APEX2: variants seen among roughly 807,000 people sequenced by gnomAD.
APEX2 encodes the protein apurinic/apyrimidinic endodeoxyribonuclease 2, also known as DNA-(apurinic or apyrimidinic site) endonuclease 2.
A neutral mutation model predicts 16.7 loss-of-function variants in APEX2; 4 were observed. The ratio of observed to expected loss-of-function variants is 0.24; its 90% CI spans 0.12 to 0.55. The LOEUF is 0.55. APEX2 is among the 20% of genes least tolerant of loss of function. APEX2 has a pLI of 0.94. For missense variants in APEX2, 357 were observed against 433.6 expected, an observed-to-expected ratio of 0.82 and a Z score of 1.57; for synonymous variants, 181 against 166.9, an observed-to-expected ratio of 1.08 and a Z score of -0.65.
Position 55,000,505 on chromosome X carries a change from C to A in APEX2, c.83C>A (p.Ala28Asp). The A allele has an allele frequency of 1.7e-6, 2 of 1,207,294 alleles. No individual in the cohort carries two copies. Among genetic ancestry groups the A allele is most frequent in the South Asian group, 3.6e-5 (2 of 56,075 alleles). Residue 28 changes from alanine (A) to aspartate (D), a missense_variant, in exon 1 of 6, where the codon GCC becomes GAC. Ala to Asp is a moderately radical substitution (Grantham distance 126, BLOSUM62 -2). Coordinates refer to ENST00000374987, the MANE Select transcript of APEX2 (RefSeq NM_014481.4). ...GCAAATCAGGAACCCAGCAACTGTG[C>A]CGCCGTGGCCGTGGGGCGCATTTTG... Reference protein sequence around the residue: ...GVANQEPSNCAAVAVGRILDE... With the variant: ...GVANQEPSNCDAVAVGRILDE...
At chrX:55,004,876 G>A (rs1935483522) in intron 5 of APEX2, among the ~76,000 whole-genome samples, 1 of 111,439 alleles carries the variant, frequency 9.0e-6, no homozygotes, top group Non-Finnish European at 1.9e-5. Context: ...TCTCGAGTGT[G>A]GGGCCAGGGT....
chrX:55,000,501 T>C lies in APEX2; in HGVS notation c.79T>C (p.Cys27Arg). ...QGVANQEPSN[C>R]AAVAVGRILD... ...GGTGGCAAATCAGGAACCCAGCAAC[T>C]GTGCCGCCGTGGCCGTGGGGCGCAT... is the stretch of plus-strand genomic sequence containing the variant. The change falls in exon 1 of 6, where the codon TGT becomes CGT. Residue 27 changes from cysteine to arginine, a missense_variant. Physicochemically the swap from Cys to Arg is radical, Grantham distance 180 (BLOSUM62 -3). Coordinates refer to ENST00000374987, the MANE Select transcript of APEX2 (RefSeq NM_014481.4). The C allele has an allele frequency of 8.3e-7, 1 of 1,208,871 alleles. No homozygotes were observed. Among genetic ancestry groups the C allele is most frequent in the Non-Finnish European group, 1.1e-6 (1 of 894,012 alleles).
chrX:55,006,189 C>T (rs192533652), intron 5 of APEX2, among the ~76,000 whole-genome samples: 182 of 109,604 alleles, frequency 1.7e-3, no homozygotes, highest in African/African-American at 5.9e-3. Context: ...GAGGCAAACA[C>T]TTTTAACTTC....
chrX:55,006,649 C>A lies in APEX2; in HGVS notation c.771C>A (p.Ala257=). The A allele has an allele frequency of 8.6e-7, 1 of 1,163,080 alleles. No individual in the cohort carries two copies. The highest frequency in any genetic ancestry group is 1.1e-6 in the Non-Finnish European group (1 of 869,630). Residue 257 remains alanine (A), a synonymous_variant, in exon 6 of 6, where the codon GCC becomes GCA. Transcript: ENST00000374987. ...GCTTCCAACCAAAGCAGGAGGGGGC[C>A]TTCACCTGCTGGTCAGCAGTCACTG... ...YRCFQPKQEG[A]FTCWSAVTGA... is the part of the protein sequence containing the mutation.
At chrX:55,006,397 G>C (rs748749797) in intron 5 of APEX2, 121 bp from the exon 6 acceptor site, 36 of 483,011 alleles carry the variant, frequency 7.5e-5, no homozygotes, top group African/African-American at 6.0e-4. Context: ...TTGAGCAGTA[G>C]TCCTCTTGGG....
rs201174369 is a variant in APEX2 at position 55,006,957 on chromosome X, A to G, written c.1079A>G (p.Asn360Ser). ...PVLEQSTLQHNNQTRVQTCQN... is the reference protein window; with the variant it reads ...PVLEQSTLQHSNQTRVQTCQN... Reference sequence around the variant, plus strand: ...TTGGAGCAGTCGACGCTGCAGCACAACAATCAAACCCGGGTACAGACATGC... The same window carrying G: ...TTGGAGCAGTCGACGCTGCAGCACAGCAATCAAACCCGGGTACAGACATGC... Residue 360 changes from asparagine to serine, a missense_variant, in exon 6 of 6, where the codon AAC becomes AGC. Transcript: ENST00000374987. 46 of 1,210,326 alleles carry G rather than the reference A, an allele frequency of 3.8e-5. No homozygotes were observed. The East Asian group carries it at 1.3e-3, about 34-fold the overall frequency.
At chrX:55,002,682 A>C (rs1935460515) in intron 3 of APEX2, among the ~76,000 whole-genome samples, 1 of 111,647 alleles carries the variant, frequency 9.0e-6, no homozygotes, top group African/African-American at 3.3e-5. Flanking sequence ...TAGACATCTC[A>C]AAAGCAACTT....
At chrX:55,001,974 C>T (rs931730232) in intron 2 of APEX2, among the ~76,000 whole-genome samples, 1 of 111,314 alleles carries the variant, frequency 9.0e-6, no homozygotes, top group Non-Finnish European at 1.9e-5. Context: ...GTTTACCTTC[C>T]GGGGCTGTTA....
At chrX:55,003,907 G>A (rs750129302) in intron 5 of APEX2, 39 bp downstream of exon 5, 1 of 1,170,991 alleles carries the variant, frequency 8.5e-7, no homozygotes, top group South Asian at 1.8e-5. Context: ...ACTCCTGACT[G>A]ATTCTGTTTG....
At chrX:55,001,686 G>A in intron 2 of APEX2, 57 bp downstream of exon 2, 1 of 976,212 alleles carries the variant, frequency 1.0e-6, no homozygotes, top group Non-Finnish European at 1.4e-6. Context: ...AGGGGAAAAG[G>A]GTTTCCAATA....
In APEX2 at chrX:55,008,938, T is replaced by A. The variant is rs1935546241; in HGVS notation, c.*1503T>A. The A allele has an allele frequency of 2.5e-6, 1 of 403,377 alleles. No homozygotes were observed. Among genetic ancestry groups the A allele is most frequent in the Non-Finnish European group, 4.4e-6 (1 of 229,777 alleles). 33.2% of individuals were successfully genotyped at this position (403,377 alleles called of 1,213,427 possible). On this transcript the variant is annotated 3_prime_UTR_variant, in exon 6 of 6. Transcript: ENST00000374987. ...CTTCCTCTTTCTCATTCTGTTTCCC[T>A]GTTGGTAAAATGGAATGGTGACCAA...
At chrX:55,003,939 T>G in intron 5 of APEX2, 71 bp downstream of exon 5, 1 of 1,050,452 alleles carries the variant, frequency 9.5e-7, no homozygotes, top group Non-Finnish European at 1.3e-6. Flanking sequence ...AACCCTGAGT[T>G]TTTGGCCCAG....
intron 1 of APEX2, 89 bp from the exon 2 acceptor site, chrX:55,001,457 G>A: frequency 1.4e-6 from 1 of 715,818 alleles, no homozygotes; most frequent in East Asian, 3.6e-5. Flanking sequence ...ATGTGTGCAA[G>A]GAATTAGCCT....
chrX:55,000,612 C>A (rs763849554), intron 1 of APEX2, 33 bp downstream of exon 1: 2 of 1,166,142 alleles, frequency 1.7e-6, no homozygotes, highest in South Asian at 2.0e-5. Flanking sequence ...TCCCTACATA[C>A]TTTTTCTTTC....
At chrX:55,003,463 G>A (rs1286916480) in intron 4 of APEX2, among the ~76,000 whole-genome samples, 3 of 112,256 alleles carry the variant, frequency 2.7e-5, no homozygotes, top group Non-Finnish European at 5.6e-5. Flanking sequence ...TTGTTCCAGC[G>A]GAGGACAGGA....
intron 1 of APEX2, 36 bp downstream of exon 1, chrX:55,000,615 T>A (rs776370239): frequency 1.7e-5 from 20 of 1,167,758 alleles, no homozygotes; most frequent in Non-Finnish European, 2.3e-5. Context: ...CTACATACTT[T>A]TTCTTTCCCG....
rs1569547674 is a variant in APEX2, at chrX:55,006,905, C to A, written c.1027C>A (p.Leu343Ile). ...AGTQLKILRF[L>I]VPLEQSPVLE... The stretch of plus-strand genomic sequence containing the variant: ...CACCCAGCTCAAGATCCTTCGCTTC[C>A]TAGTTCCTCTCGAACAAAGTCCTGT... Residue 343 changes from leucine (L) to isoleucine (I), a missense_variant, in exon 6 of 6, where the codon CTA becomes ATA. By Grantham distance (5) the Leu-to-Ile change is conservative. Transcript: ENST00000374987. The A allele has an allele frequency of 2.5e-6, 3 of 1,211,956 alleles. No homozygotes were observed. Among genetic ancestry groups the A allele is most frequent in the Non-Finnish European group, 3.3e-6 (3 of 895,562 alleles).
Position 55,007,118 on chromosome X carries a change from A to G in APEX2, c.1240A>G (p.Ser414Gly). 1 of 1,211,888 alleles carries G rather than the reference A, an allele frequency of 8.3e-7. No individual in the cohort carries two copies. Among genetic ancestry groups the G allele is most frequent in the South Asian group, 1.8e-5 (1 of 56,991 alleles). The change falls in exon 6 of 6, where the codon AGC becomes GGC. Residue 414 changes from serine to glycine, a missense_variant. Coordinates refer to ENST00000374987, the MANE Select transcript of APEX2 (RefSeq NM_014481.4). ...AGCCTCTCCTGACATAGAGCTGCCT[A>G]GCCTACCACTGATGAGCGCCCTCAT... is the stretch of plus-strand genomic sequence containing the variant. ...PQASPDIELP[S>G]LPLMSALMTP...
chrX:55,007,984 G>A lies in APEX2; in HGVS notation c.*549G>A, dbSNP rs190332800. 6.2e-4 allele frequency: 70 copies of A among 112,266 alleles called. No homozygotes were observed. The highest frequency in any genetic ancestry group is 1.1e-3 in the Non-Finnish European group (61 of 53,426). The allele number at this position is 112,266 out of a possible 1,213,427, so 9.3% of individuals were successfully genotyped here. On this transcript the variant is annotated 3_prime_UTR_variant, in exon 6 of 6. Transcript: ENST00000374987. Reference sequence around the variant, plus strand: ...TGTAGGAATTTCCTGTACGGCTAAGGTGAAATCAGCAAGGAAGGTGGGCTG... The same window carrying A: ...TGTAGGAATTTCCTGTACGGCTAAGATGAAATCAGCAAGGAAGGTGGGCTG...
Sources: allele counts gnomAD v4.1 joint callset (sites outside exome capture counted in the v4.1 genomes callset), GRCh38; gene constraint gnomAD v4.1.1; transcripts MANE v1.5; gene names NCBI Gene and HGNC (gene_info 2026-07-23, HGNC 2026-07-21).